Variants in SCFD2 observed in about 807,000 individuals in gnomAD.
The protein encoded by SCFD2 is sec1 family domain-containing protein 2.
Under a neutral mutation model 58.9 loss-of-function variants are expected in SCFD2, and 54 were observed. The ratio of observed to expected loss-of-function variants is 0.92; its 90% CI spans 0.74 to 1.15. The LOEUF (loss-of-function observed/expected upper bound fraction) is 1.15. Ranked by LOEUF, SCFD2 falls within the 50% of genes most tolerant of loss-of-function variation. The pLI is 0.00. For missense variants in SCFD2, 805 were observed against 836.6 expected, an observed-to-expected ratio of 0.96 and a Z score of 0.47; for synonymous variants, 321 against 335.9, an observed-to-expected ratio of 0.96 and a Z score of 0.49.
At chr4:53,323,032 T>A (rs1460809973) in intron 2 of SCFD2, among the ~76,000 whole-genome samples, 9 of 152,220 alleles carry the variant, frequency 5.9e-5, no homozygotes, top group African/African-American at 2.2e-4. Context: ...CATAATCTTA[T>A]ATGCAATGAT....
intron 4 of SCFD2, among the ~76,000 whole-genome samples, chr4:53,192,071 C>CA (rs1727930706): frequency 6.6e-6 from 1 of 152,142 alleles, no homozygotes; most frequent in Non-Finnish European, 1.5e-5. Context: ...TGAAAATTAA[C>CA]AAATTTCCCA....
intron 4 of SCFD2, among the ~76,000 whole-genome samples, chr4:53,154,932 G>A (rs1295612417): frequency 2.6e-5 from 4 of 152,244 alleles, no homozygotes; most frequent in Admixed American, 2.6e-4. Flanking sequence ...CAGGGGGCCT[G>A]TGGAAGCTGG....
intron 4 of SCFD2, among the ~76,000 whole-genome samples, chr4:53,179,173 G>A (rs1227879535): frequency 6.6e-6 from 1 of 152,100 alleles, no homozygotes; most frequent in Non-Finnish European, 1.5e-5. Context: ...CTCCTCAAGA[G>A]GAGCAACTCC....
intron 3 of SCFD2, among the ~76,000 whole-genome samples, chr4:53,296,139 A>C (rs970327415): frequency 6.6e-6 from 1 of 152,188 alleles, no homozygotes; most frequent in Non-Finnish European, 1.5e-5. Context: ...TATCAGGATG[A>C]TGCTGGCCTC....
chr4:53,104,297 A>C (rs137878686), intron 5 of SCFD2, among the ~76,000 whole-genome samples: 74 of 152,344 alleles, frequency 4.9e-4, no homozygotes, highest in Non-Finnish European at 3.4e-4. Context: ...TTACCTCTGC[A>C]GTCTTTCTCC....
Position 53,227,257 on chromosome 4 carries a change from A to G in SCFD2, c.1311+46569T>C, listed in dbSNP as rs557150711. The stretch of plus-strand genomic sequence containing the variant: ...AGGTGACAAAATTAAGTATAATGTG[A>G]GAAAAGGACATTGTATATGAGAGAT... On this transcript the variant is annotated intron_variant, in intron 4 of 8. Coordinates refer to ENST00000401642, the MANE Select transcript of SCFD2 (RefSeq NM_152540.4). 5.3e-5 allele frequency among the ~76,000 whole-genome samples: 8 copies of G among 152,326 alleles called. No individual in the cohort carries two copies. In the South Asian group the frequency reaches 1.4e-3, roughly 28 times the overall value.
chr4:53,216,906 C>G (rs1479283958), intron 4 of SCFD2, among the ~76,000 whole-genome samples: 1 of 152,124 alleles, frequency 6.6e-6, no homozygotes, highest in Non-Finnish European at 1.5e-5. Context: ...GTTATGTACC[C>G]AGTAGTCATT....
At chr4:53,166,984 G>T (rs1727030867) in intron 4 of SCFD2, among the ~76,000 whole-genome samples, 2 of 152,002 alleles carry the variant, frequency 1.3e-5, no homozygotes, top group Non-Finnish European at 2.9e-5. Flanking sequence ...CTAAGTCAGG[G>T]GCCTTTACCT....
At chr4:52,903,674 AAT>A (rs1719277405) in intron 7 of SCFD2, among the ~76,000 whole-genome samples, 1 of 152,242 alleles carries the variant, frequency 6.6e-6, no homozygotes, top group South Asian at 2.1e-4. Context: ...TCTTTTGATA[AAT>A]AAGAAAACAT....
chr4:53,279,059 G>A (rs780450169), intron 3 of SCFD2, among the ~76,000 whole-genome samples: 3 of 152,098 alleles, frequency 2.0e-5, no homozygotes, highest in Non-Finnish European at 4.4e-5. Context: ...CTAGACAAGT[G>A]TTGAAAAAGT....
chr4:53,284,659 T>C (rs1469242366), intron 3 of SCFD2, among the ~76,000 whole-genome samples: 2 of 152,196 alleles, frequency 1.3e-5, no homozygotes, highest in African/African-American at 4.8e-5. Flanking sequence ...CTACACTTCT[T>C]ACCTCAATGG....
At chr4:53,332,165 G>A (rs1277564442) in intron 2 of SCFD2, among the ~76,000 whole-genome samples, 4 of 150,498 alleles carry the variant, frequency 2.7e-5, no homozygotes, top group African/African-American at 9.8e-5. Context: ...TTCTATCAGA[G>A]GTACAAGGAG....
chr4:52,874,055 C>G lies in SCFD2; in HGVS notation c.1969G>C (p.Val657Leu). The part of the protein sequence containing the change: ...ASLKPGTQVI[V>L]LSTRLLKPLN... ...GGCTTCAGGAGTCGTGTGGACAGCACGATTACCTAACAACAGGAGAGGGCA... is the reference window on the plus strand; with the variant it reads ...GGCTTCAGGAGTCGTGTGGACAGCAGGATTACCTAACAACAGGAGAGGGCA... Residue 657 changes from valine to leucine, a missense_variant, in exon 9 of 9, where the codon GTG becomes CTG. By Grantham distance (32) the Val-to-Leu change is conservative. Around this residue, in one of 3 missense-constraint regions of SCFD2, gnomAD observed 633 missense variants for 646.8 expected, o/e 0.98. Transcript: ENST00000401642. 2 of 1,612,754 alleles carry G rather than the reference C, an allele frequency of 1.2e-6. No homozygotes were observed. Among genetic ancestry groups the G allele is most frequent in the Non-Finnish European group, 1.7e-6 (2 of 1,178,882 alleles).
Position 53,244,829 on chromosome 4 carries a change from A to T in SCFD2, c.1311+28997T>A, listed in dbSNP as rs202099621. The stretch of plus-strand genomic sequence containing the variant: ...GCCTTGGGGTATTTCTGAAAAAAAA[A>T]AATAATAATAATAATAAGATAGACC... On this transcript the variant is annotated intron_variant, in intron 4 of 8. Transcript: ENST00000401642. 4.9e-3 allele frequency among the ~76,000 whole-genome samples: 742 copies of T among 150,464 alleles called. 7 individuals are homozygous for T. The highest frequency in any genetic ancestry group is 0.015 in the African/African-American group (616 of 40,842).
At chr4:52,946,959 C>T (rs1168069055) in intron 5 of SCFD2, among the ~76,000 whole-genome samples, 1 of 152,154 alleles carries the variant, frequency 6.6e-6, no homozygotes, top group Admixed American at 6.5e-5. Context: ...GCATCTCTGT[C>T]CTGCTGACAG....
intron 3 of SCFD2, among the ~76,000 whole-genome samples, chr4:53,277,645 T>C (rs947089138): frequency 3.3e-5 from 5 of 152,174 alleles, no homozygotes; most frequent in African/African-American, 1.2e-4. Flanking sequence ...TATAACTATG[T>C]TTTAGAGAGA....
At chr4:52,924,725 A>G (rs6815477) in intron 5 of SCFD2, among the ~76,000 whole-genome samples, 4,826 of 152,104 alleles carry the variant, frequency 0.032, 293 homozygotes, top group African/African-American at 0.11. Flanking sequence ...TGAAAGTTAC[A>G]CACACACACA....
chr4:53,174,737 G>C (rs1197696418), intron 4 of SCFD2, among the ~76,000 whole-genome samples: 1 of 152,082 alleles, frequency 6.6e-6, no homozygotes, highest in Non-Finnish European at 1.5e-5. Flanking sequence ...CCTGGAGTGG[G>C]GGAAGGTGCA....
intron 5 of SCFD2, among the ~76,000 whole-genome samples, chr4:52,984,399 G>C (rs1306331606): frequency 1.3e-5 from 2 of 152,092 alleles, no homozygotes; most frequent in African/African-American, 2.4e-5. Flanking sequence ...CATTGTCAAG[G>C]GTGTTCTATC....
Sources: gnomAD v4.1 joint callset for allele counts (sites outside exome capture counted in the v4.1 genomes callset) on GRCh38, gnomAD v4.1.1 for gene constraint, gnomAD v4.1.1 regional missense constraint, MANE v1.5 for transcripts, NCBI Gene and HGNC (gene_info 2026-07-23, HGNC 2026-07-21) for gene names.